P2RX1: variants seen among roughly 807,000 people sequenced by gnomAD.
P2RX1 encodes the protein purinergic receptor P2X 1.
In P2RX1, 42 loss-of-function variants were observed where a neutral mutation model predicts 50.3. The ratio of observed to expected loss-of-function variants is 0.83; its 90% CI spans 0.65 to 1.08. The LOEUF is 1.08. Ranked by LOEUF, P2RX1 falls within the 50% of genes least tolerant of loss-of-function variation. The pLI is 0.00. For missense variants in P2RX1, 449 were observed against 529.0 expected (o/e 0.85, Z 1.48); for synonymous variants, 199 against 202.6 (o/e 0.98, Z 0.15).
chr17:3,898,565 A>G lies in P2RX1; in HGVS notation c.967-16T>C. ...ACTTCCCGGCCTGGTGGCAGGACCC[A>G]GGGAGAGAAGGGCTAACCGTCGGAA... is the stretch of plus-strand genomic sequence containing the variant. On this transcript the variant is annotated splice_polypyrimidine_tract_variant and intron_variant, in intron 9 of 11. Transcript: ENST00000225538. 6.2e-7 allele frequency: 1 copy of G among 1,603,298 alleles called. No individual in the cohort carries two copies. The highest frequency in any genetic ancestry group is 2.2e-5 in the East Asian group (1 of 44,790).
In P2RX1 at chr17:3,914,375, G is replaced by C. The variant is rs1038669042; in HGVS notation, c.137+1714C>G. Among the ~76,000 whole-genome samples, 1 of 152,078 alleles carries C rather than the reference G, an allele frequency of 6.6e-6. No homozygotes were observed. The highest frequency in any genetic ancestry group is 1.5e-5 in the Non-Finnish European group (1 of 68,016). On this transcript the variant is annotated intron_variant, in intron 1 of 11. Transcript: ENST00000225538. The surrounding 1 kb of genome is among the most constrained non-coding windows in gnomAD (Gnocchi z 4.1). ...GACGGTAGTGAGGTCCCCGTCACTG[G>C]AGGTATAGGTTCCCGGCTGGGCAGC...
In P2RX1 at chr17:3,903,627, C is replaced by G; in HGVS notation, c.529G>C (p.Ala177Pro). Residue 177 changes from alanine (A) to proline (P), a missense_variant, in exon 6 of 12, where the codon GCC (alanine) becomes CCC (proline). Transcript: ENST00000225538. The surrounding 1 kb of genome is among the most constrained non-coding windows in gnomAD (Gnocchi z 4.6). Reference sequence around the variant, plus strand: ...AAGTTCTCGGCCTCTCGGAGAAGGGCAGGGCTGGAGGACACCACACGCACT... The same window carrying G: ...AAGTTCTCGGCCTCTCGGAGAAGGGGAGGGCTGGAGGACACCACACGCACT... ...VEVDDDIPRP[A>P]LLREAENFTL... 1 of 1,613,920 alleles carries G rather than the reference C, an allele frequency of 6.2e-7. No individual in the cohort carries two copies. The highest frequency in any genetic ancestry group is 8.5e-7 in the Non-Finnish European group (1 of 1,179,968).
Position 3,897,514 on chromosome 17 carries a change from A to G in P2RX1, c.*300T>C. 1 of 529,694 alleles carries G rather than the reference A, an allele frequency of 1.9e-6. No individual in the cohort carries two copies. The allele number at this position is 529,694 out of a possible 1,614,324, so 32.8% of individuals were successfully genotyped here. On this transcript the variant is annotated 3_prime_UTR_variant, in exon 12 of 12. Transcript: ENST00000225538. ...AGCGGGTTGGATAATGAGAGTCCGG[A>G]GAGAGAAGCACGAAGCTAGGGTGCA...
chr17:3,911,884 C>G (rs563117548), intron 1 of P2RX1, among the ~76,000 whole-genome samples: 2 of 152,230 alleles, frequency 1.3e-5, no homozygotes, highest in Non-Finnish European at 2.9e-5. Flanking sequence ...CAGGGCATTC[C>G]GTTTCCTTGA....
chr17:3,909,050 A>G (rs116203470), intron 1 of P2RX1, among the ~76,000 whole-genome samples: 3,389 of 151,226 alleles, frequency 0.022, 141 homozygotes, highest in African/African-American at 0.077. Flanking sequence ...TTTTTTTTTG[A>G]GATGGAGTCT....
intron 1 of P2RX1, chr17:3,915,369 T>TC: frequency 2.3e-6 from 1 of 436,286 alleles, no homozygotes. Flanking sequence ...GGCACAGAGC[T>TC]CCATATGCAC....
In P2RX1 at chr17:3,898,965, C is replaced by T; in HGVS notation, c.935G>A (p.Gly312Glu). 6.2e-7 allele frequency: 1 copy of T among 1,613,790 alleles called. No individual in the cohort carries two copies. Among genetic ancestry groups the T allele is most frequent in the Non-Finnish European group, 8.5e-7 (1 of 1,179,902 alleles). Residue 312 changes from glycine to glutamate, a missense_variant, in exon 9 of 12, where the codon GGG (glycine) becomes GAG (glutamate). Coordinates refer to ENST00000225538, the MANE Select transcript of P2RX1 (RefSeq NM_002558.4). ...GTCCACCAGGATGTCAAAGCGAATCCCAAACACCTTGAAGAGGTGACGGTA... is the reference window on the plus strand; with the variant it reads ...GTCCACCAGGATGTCAAAGCGAATCTCAAACACCTTGAAGAGGTGACGGTA... ...TNYRHLFKVF[G>E]IRFDILVDGK...
chr17:3,909,785 G>A lies in P2RX1; in HGVS notation c.138-4418C>T, dbSNP rs562877534. 7.2e-5 allele frequency among the ~76,000 whole-genome samples: 11 copies of A among 152,044 alleles called. No individual in the cohort carries two copies. In the South Asian group the frequency reaches 1.7e-3, roughly 23 times the overall value. ...AGTGAACAAAACAAACAAAAATCTCGCACCCAAGGGTCTTACACAGATGCT... is the reference window on the plus strand; with the variant it reads ...AGTGAACAAAACAAACAAAAATCTCACACCCAAGGGTCTTACACAGATGCT... On this transcript the variant is annotated intron_variant, in intron 1 of 11. Coordinates refer to ENST00000225538, the MANE Select transcript of P2RX1 (RefSeq NM_002558.4).
In P2RX1 at chr17:3,903,261, A is replaced by AGACT. The variant is rs1282002702; in HGVS notation, c.684_687dup (p.Phe230SerfsTer20). 1 of 1,614,052 alleles carries AGACT rather than the reference A, an allele frequency of 6.2e-7. No homozygotes were observed. Among genetic ancestry groups the AGACT allele is most frequent in the African/African-American group, 1.3e-5 (1 of 74,930 alleles). ...TCTTGCACCACGTAGCCAAGCTGGAAGACTGGGCACAGGGGGTGCAGGGTC... is the reference window on the plus strand; with the variant it reads ...TCTTGCACCACGTAGCCAAGCTGGAAGACTGACTGGGCACAGGGGGTGCAGGGTC... On this transcript the variant is annotated frameshift_variant, in exon 7 of 12. Transcript: ENST00000225538. LOFTEE classifies it high-confidence loss of function. The surrounding 1 kb of genome is among the most constrained non-coding windows in gnomAD (Gnocchi z 4.6).
intron 10 of P2RX1, 42 bp downstream of exon 10, chr17:3,898,442 G>A (rs1457842495): frequency 6.6e-7 from 1 of 1,512,538 alleles, no homozygotes; most frequent in Non-Finnish European, 9.2e-7. Context: ...GGAAGAGGAG[G>A]GGCCAACCCC....
chr17:3,915,851 CAG>C (rs1252002639), intron 1 of P2RX1: 8 of 662,616 alleles, frequency 1.2e-5, no homozygotes, highest in Non-Finnish European at 1.7e-5. Context: ...CCTCAGAACC[CAG>C]AGACTCTGCC....
chr17:3,905,132 G>T, intron 2 of P2RX1, 88 bp downstream of exon 2: 2 of 1,532,428 alleles, frequency 1.3e-6, no homozygotes, highest in African/African-American at 1.4e-5. Flanking sequence ...AGAGGAGCTG[G>T]GCTGGTCCCA....
rs1433530524 is a variant in P2RX1, at chr17:3,914,008, G to A, written c.137+2081C>T. 1.3e-5 allele frequency among the ~76,000 whole-genome samples: 2 copies of A among 152,210 alleles called. No homozygotes were observed. Among genetic ancestry groups the A allele is most frequent in the East Asian group, 1.9e-4 (1 of 5,192 alleles). On this transcript the variant is annotated intron_variant, in intron 1 of 11. Coordinates refer to ENST00000225538, the MANE Select transcript of P2RX1 (RefSeq NM_002558.4). The surrounding 1 kb of genome is among the most constrained non-coding windows in gnomAD (Gnocchi z 4.1). ...GAGGTCAGTGCAGTACTGAGCAGTGGCCAGACGAGGGCGCAAGAGACAGCA... is the reference window on the plus strand; with the variant it reads ...GAGGTCAGTGCAGTACTGAGCAGTGACCAGACGAGGGCGCAAGAGACAGCA...
chr17:3,910,775 G>C (rs1299282002), intron 1 of P2RX1, among the ~76,000 whole-genome samples: 4 of 152,220 alleles, frequency 2.6e-5, no homozygotes, highest in Non-Finnish European at 4.4e-5. Context: ...AGGCCCCCAT[G>C]CAACCCGCAG....
intron 7 of P2RX1, among the ~76,000 whole-genome samples, chr17:3,901,210 G>C (rs1033035189): frequency 1.8e-4 from 28 of 152,196 alleles, no homozygotes; most frequent in Admixed American, 1.8e-3. Context: ...TGAGATTACA[G>C]GTGCCCGCCA....
Position 3,903,399 on chromosome 17 carries a change from C to G in P2RX1, c.606-56G>C. On this transcript the variant is annotated intron_variant, in intron 6 of 11. Transcript: ENST00000225538. This position sits in a 1 kb window ranked among gnomAD's most constrained non-coding sequence, Gnocchi z 4.6. ...GTGTGTCATCCGGGAGGGTGCCCAC[C>G]ACGCCCCAAAGCCTGGGGACCCCTC... The G allele has an allele frequency of 3.7e-6, 6 of 1,611,618 alleles. No individual in the cohort carries two copies. The South Asian group carries it at 5.5e-5, about 15-fold the overall frequency.
At chr17:3,905,467 T>C in intron 1 of P2RX1, 100 bp from the exon 2 acceptor site, 1 of 1,370,868 alleles carries the variant, frequency 7.3e-7, no homozygotes, top group Non-Finnish European at 1.0e-6. Flanking sequence ...TGAGCCACCA[T>C]CTGCTCCTAA....
chr17:3,901,937 C>T (rs2056155813), intron 7 of P2RX1, among the ~76,000 whole-genome samples: 1 of 151,974 alleles, frequency 6.6e-6, no homozygotes, highest in South Asian at 2.1e-4. Flanking sequence ...AAAACTCACA[C>T]CCACTGAAGT....
At chr17:3,901,450 A>T (rs1188795399) in intron 7 of P2RX1, among the ~76,000 whole-genome samples, 1 of 152,196 alleles carries the variant, frequency 6.6e-6, no homozygotes, top group Non-Finnish European at 1.5e-5. Flanking sequence ...TCCAGGGGTC[A>T]GGAAACTGAG....
Sources: gnomAD v4.1 joint callset for allele counts (sites outside exome capture counted in the v4.1 genomes callset) on GRCh38, gnomAD v4.1.1 for gene constraint, Gnocchi (gnomAD v3.1) non-coding constraint, MANE v1.5 for transcripts, NCBI Gene and HGNC (gene_info 2026-07-23, HGNC 2026-07-21) for gene names.